ZDHHC14: variants seen among roughly 807,000 people sequenced by gnomAD.
ZDHHC14 encodes zDHHC palmitoyltransferase 14.
In ZDHHC14, 16 loss-of-function variants were observed where a neutral mutation model predicts 47.7. That is an observed-to-expected ratio of 0.34 (90% CI 0.23 to 0.51). The LOEUF is 0.51. Among genes scored for constraint, ZDHHC14 ranks in the 20% least tolerant of loss-of-function variants. The probability of loss-of-function intolerance (pLI) is 0.97; values close to 1 mark genes in which losing one functional copy is unlikely to be tolerated. For missense variants in ZDHHC14, 515 were observed against 662.5 expected (o/e 0.78, Z 2.44); for synonymous variants, 293 against 278.9 (o/e 1.05, Z -0.50).
chr6:157,582,496 G>A lies in ZDHHC14; in HGVS notation c.407-10492G>A, dbSNP rs541647613. 6.6e-6 allele frequency among the ~76,000 whole-genome samples: 1 copy of A among 152,192 alleles called. No individual in the cohort carries two copies. The highest frequency in any genetic ancestry group is 2.1e-4 in the South Asian group (1 of 4,820). On this transcript the variant is annotated intron_variant, in intron 2 of 8. Coordinates refer to ENST00000359775, the MANE Select transcript of ZDHHC14 (RefSeq NM_024630.3). The surrounding 1 kb of genome is among the most constrained non-coding windows in gnomAD (Gnocchi z 4.3). The stretch of plus-strand genomic sequence containing the variant: ...ACTTATCCCTCATTTATGAAGCTTA[G>A]TTTGGCCGGATATGAAATTCTTGGT...
At chr6:157,624,571 A>G (rs1232495781) in intron 3 of ZDHHC14, among the ~76,000 whole-genome samples, 2 of 152,242 alleles carry the variant, frequency 1.3e-5, no homozygotes, top group South Asian at 4.1e-4. Flanking sequence ...CACCTGATAC[A>G]GTGCTGGGTA....
intron 5 of ZDHHC14, among the ~76,000 whole-genome samples, chr6:157,642,437 A>G (rs1777300445): frequency 6.6e-6 from 1 of 152,192 alleles, no homozygotes; most frequent in African/African-American, 2.4e-5. Context: ...ACTCGAGAGA[A>G]GGGTCTCTGC....
chr6:157,518,255 A>C (rs9457672), intron 1 of ZDHHC14, among the ~76,000 whole-genome samples: 94,098 of 151,800 alleles, frequency 0.62, 29,425 homozygotes, highest in Non-Finnish European at 0.67. Context: ...TCCTCAAGCC[A>C]CACTGATGGA....
chr6:157,562,289 G>C (rs1157832880), intron 2 of ZDHHC14, among the ~76,000 whole-genome samples: 70 of 152,200 alleles, frequency 4.6e-4, no homozygotes, highest in Admixed American at 4.6e-3. Flanking sequence ...GTGGGGACCA[G>C]GGATGCCCAA....
chr6:157,584,429 T>C (rs1562492367), intron 2 of ZDHHC14, among the ~76,000 whole-genome samples: 1 of 152,198 alleles, frequency 6.6e-6, no homozygotes, highest in South Asian at 2.1e-4. Context: ...TCTTTTATAA[T>C]TTGGGATTTT....
At chr6:157,600,489 T>C (rs1024531620) in intron 3 of ZDHHC14, among the ~76,000 whole-genome samples, 7 of 152,220 alleles carry the variant, frequency 4.6e-5, no homozygotes, top group African/African-American at 1.4e-4. Flanking sequence ...CACTGCAACC[T>C]CCGCCTCCCA....
chr6:157,387,230 TG>T (rs1777329538), intron 1 of ZDHHC14, among the ~76,000 whole-genome samples: 1 of 149,636 alleles, frequency 6.7e-6, no homozygotes, highest in African/African-American at 2.5e-5. Flanking sequence ...CTAATTCCTC[TG>T]AAAAAAAAAA....
intron 5 of ZDHHC14, among the ~76,000 whole-genome samples, chr6:157,645,204 C>T (rs923558895): frequency 1.3e-5 from 2 of 152,174 alleles, no homozygotes. Context: ...GAGAAGAGGC[C>T]GTCCACTAAA....
intron 8 of ZDHHC14, among the ~76,000 whole-genome samples, chr6:157,665,949 A>G (rs2115008843): frequency 6.6e-6 from 1 of 152,340 alleles, no homozygotes. Flanking sequence ...CCATACTGGA[A>G]GTATGTGCAG....
intron 1 of ZDHHC14, among the ~76,000 whole-genome samples, chr6:157,484,277 ACG>A (rs1341309787): frequency 8.2e-5 from 11 of 133,632 alleles, no homozygotes; most frequent in African/African-American, 3.0e-4. Flanking sequence ...ATGTATATAT[ACG>A]TATATATATA....
intron 5 of ZDHHC14, among the ~76,000 whole-genome samples, chr6:157,644,767 G>A (rs1047901539): frequency 1.3e-5 from 2 of 152,190 alleles, no homozygotes; most frequent in Admixed American, 6.5e-5. Context: ...GTAATGTATC[G>A]ATAGCGGATG....
chr6:157,419,767 C>T (rs1420484578), intron 1 of ZDHHC14, among the ~76,000 whole-genome samples: 1 of 152,212 alleles, frequency 6.6e-6, no homozygotes, highest in Non-Finnish European at 1.5e-5. Context: ...TTTCCATAAA[C>T]ATTCCTGGGT....
intron 1 of ZDHHC14, among the ~76,000 whole-genome samples, chr6:157,496,938 T>C (rs568670604): frequency 6.6e-6 from 1 of 152,278 alleles, no homozygotes; most frequent in East Asian, 1.9e-4. Context: ...CCTCTCTGCT[T>C]TTCCTGTGAA....
intron 1 of ZDHHC14, among the ~76,000 whole-genome samples, chr6:157,434,536 C>A (rs1431259435): frequency 6.6e-6 from 1 of 152,002 alleles, no homozygotes; most frequent in Non-Finnish European, 1.5e-5. Flanking sequence ...TTCCTCTGTG[C>A]CCTTAAACAT....
chr6:157,610,618 GA>G (rs1194346789), intron 3 of ZDHHC14, among the ~76,000 whole-genome samples: 3 of 152,158 alleles, frequency 2.0e-5, no homozygotes, highest in Non-Finnish European at 4.4e-5. Context: ...TTCCAAGAAG[GA>G]GAGGCAGCGT....
chr6:157,657,296 C>T (rs996617651), intron 8 of ZDHHC14, among the ~76,000 whole-genome samples: 1 of 152,166 alleles, frequency 6.6e-6, no homozygotes, highest in African/African-American at 2.4e-5. Flanking sequence ...GATCCACCTG[C>T]CTCAGCCTCC....
chr6:157,636,966 G>T (rs1405521749), intron 5 of ZDHHC14, among the ~76,000 whole-genome samples: 4 of 152,192 alleles, frequency 2.6e-5, no homozygotes, highest in Non-Finnish European at 5.9e-5. Flanking sequence ...TGAAATATGT[G>T]CCTTGGAGAA....
intron 2 of ZDHHC14, among the ~76,000 whole-genome samples, chr6:157,548,043 T>C (rs926572314): frequency 6.6e-6 from 1 of 152,006 alleles, no homozygotes; most frequent in Non-Finnish European, 1.5e-5. Context: ...CTTCATACAC[T>C]GCGCAGTCGC....
chr6:157,608,873 G>A (rs918057195), intron 3 of ZDHHC14, among the ~76,000 whole-genome samples: 29 of 152,202 alleles, frequency 1.9e-4, no homozygotes, highest in African/African-American at 6.0e-4. Context: ...GGGCACTAGA[G>A]TCCAGGCCAG....
Sources: gnomAD v4.1 joint callset for allele counts (sites outside exome capture counted in the v4.1 genomes callset) on GRCh38, gnomAD v4.1.1 for gene constraint, Gnocchi (gnomAD v3.1) non-coding constraint, MANE v1.5 for transcripts, NCBI Gene and HGNC (gene_info 2026-07-23, HGNC 2026-07-21) for gene names.